Variants in NMNAT2 observed in about 807,000 individuals in gnomAD.
NMNAT2 encodes nicotinamide nucleotide adenylyltransferase 2.
In NMNAT2, 11 loss-of-function variants were observed where a neutral mutation model predicts 41.6. That is an observed-to-expected ratio of 0.26 (90% confidence interval 0.17 to 0.44). The LOEUF (loss-of-function observed/expected upper bound fraction) is 0.44. Ranked by LOEUF, NMNAT2 falls within the 20% of genes least tolerant of loss-of-function variation. NMNAT2 has a pLI of 1.00. For missense variants in NMNAT2, 288 were observed against 407.7 expected (o/e 0.71, Z 2.53); for synonymous variants, 148 against 151.2 (o/e 0.98, Z 0.16).
chr1:183,283,799 G>A (rs1246809219), intron 7 of NMNAT2, 196 bp downstream of exon 7: 1 of 635,242 alleles, frequency 1.6e-6, no homozygotes, highest in Admixed American at 2.2e-5. Flanking sequence ...GGAGTTGGCT[G>A]GAGTCCAGTT....
At chr1:183,364,693 T>TTC (rs1553218940) in intron 1 of NMNAT2, among the ~76,000 whole-genome samples, 8 of 151,870 alleles carry the variant, frequency 5.3e-5, no homozygotes, top group East Asian at 3.9e-4. Context: ...CTTTTTTTGT[T>TTC]GTTGTTGTTA....
chr1:183,280,928 G>A (rs1289475335), intron 7 of NMNAT2, among the ~76,000 whole-genome samples: 1 of 151,092 alleles, frequency 6.6e-6, no homozygotes, highest in African/African-American at 2.4e-5. Context: ...TGGGATTACA[G>A]ACATGTGCCA....
intron 1 of NMNAT2, among the ~76,000 whole-genome samples, chr1:183,370,145 G>T (rs79924425): frequency 0.022 from 3,351 of 151,668 alleles, 125 homozygotes; most frequent in African/African-American, 0.078. Flanking sequence ...GGACCCAAGG[G>T]GGAGAAAAAG....
intron 1 of NMNAT2, among the ~76,000 whole-genome samples, chr1:183,309,749 A>G (rs889928622): frequency 6.6e-6 from 1 of 152,226 alleles, no homozygotes; most frequent in Non-Finnish European, 1.5e-5. Flanking sequence ...CAAGAGTAGA[A>G]AGGAGACCCC....
chr1:183,264,489 C>T (rs751826199), intron 8 of NMNAT2, among the ~76,000 whole-genome samples: 1 of 152,132 alleles, frequency 6.6e-6, no homozygotes, highest in Admixed American at 6.6e-5. Context: ...AGATCTACAG[C>T]TTTAGGGCAT....
Position 183,312,265 on chromosome 1 carries a change from C to CT in NMNAT2, c.86-18473dup, listed in dbSNP as rs534701278. Among the ~76,000 whole-genome samples, 805 of 140,606 alleles carry CT rather than the reference C, an allele frequency of 5.7e-3. 7 individuals carry two copies. The highest frequency in any genetic ancestry group is 0.041 in the East Asian group (200 of 4,908). 92.2% of individuals were successfully genotyped at this position (140,606 alleles called of 152,430 possible). A position where few individuals can be genotyped will look rare whatever the true frequency, so the allele number is the denominator to read the frequency against. ...TCTTTTTATTTTAAATAATTTAAGG[C>CT]TTTTTTTTTTTTTTGAAATGAGGTC... On this transcript the variant is annotated intron_variant, in intron 1 of 10. Transcript: ENST00000287713.
chr1:183,316,675 T>C (rs1409239766), intron 1 of NMNAT2, among the ~76,000 whole-genome samples: 1 of 152,184 alleles, frequency 6.6e-6, no homozygotes, highest in Non-Finnish European at 1.5e-5. Flanking sequence ...CTCATCCAGC[T>C]TGCTGCCTTC....
chr1:183,343,658 CCT>C (rs886478790), intron 1 of NMNAT2, among the ~76,000 whole-genome samples: 4 of 152,112 alleles, frequency 2.6e-5, no homozygotes, highest in African/African-American at 9.7e-5. Context: ...GCACTTGCTA[CCT>C]CTCTCTCCTA....
intron 4 of NMNAT2, 42 bp downstream of exon 4, chr1:183,290,086 C>A (rs1322985178): frequency 1.3e-6 from 2 of 1,501,836 alleles, no homozygotes; most frequent in Middle Eastern, 1.9e-4. Flanking sequence ...TCCGCCCTTG[C>A]ACTCTGGTGG....
At chr1:183,400,579 G>T (rs1648780363) in intron 1 of NMNAT2, among the ~76,000 whole-genome samples, 1 of 152,064 alleles carries the variant, frequency 6.6e-6, no homozygotes, top group African/African-American at 2.4e-5. Context: ...AGCTCATATG[G>T]AAGCAAAAAA....
intron 10 of NMNAT2, among the ~76,000 whole-genome samples, chr1:183,253,937 G>T (rs896777207): frequency 7.1e-6 from 1 of 140,266 alleles, no homozygotes; most frequent in East Asian, 2.3e-4. Context: ...GTGTGTGTGT[G>T]TGTGTGTATG....
chr1:183,344,265 T>C (rs572380588), intron 1 of NMNAT2, among the ~76,000 whole-genome samples: 28 of 152,326 alleles, frequency 1.8e-4, no homozygotes, highest in African/African-American at 6.7e-4. Context: ...ATCTGCATTA[T>C]AGATGAGGAA....
intron 1 of NMNAT2, among the ~76,000 whole-genome samples, chr1:183,390,944 A>G (rs1648464520): frequency 6.6e-6 from 1 of 152,204 alleles, no homozygotes; most frequent in Non-Finnish European, 1.5e-5. Flanking sequence ...GTTTCAGGCA[A>G]AACTTATGCC....
At chr1:183,395,072 G>T (rs948679787) in intron 1 of NMNAT2, among the ~76,000 whole-genome samples, 2 of 152,154 alleles carry the variant, frequency 1.3e-5, no homozygotes, top group African/African-American at 4.8e-5. Flanking sequence ...GCCCAGGAAA[G>T]ATATCATGAG....
In NMNAT2 at chr1:183,284,847, G is replaced by T. The variant is rs375951293; in HGVS notation, c.449-57C>A. On this transcript the variant is annotated intron_variant, in intron 5 of 10. Transcript: ENST00000287713. ...AGTGGGAGAGAACAACTCACAACTG[G>T]CACTCATGTCGGCCCGGCATTGGGG... The T allele has an allele frequency of 1.8e-4, 259 of 1,455,172 alleles. 1 individual carries two copies. The highest frequency in any genetic ancestry group is 2.4e-4 in the Non-Finnish European group (249 of 1,035,138). The allele number at this position is 1,455,172 out of a possible 1,614,324, so 90.1% of individuals were successfully genotyped here. A position where few individuals can be genotyped will look rare whatever the true frequency, so the allele number is the denominator to read the frequency against.
chr1:183,261,324 C>T, intron 8 of NMNAT2, 21 bp from the exon 9 acceptor site: 1 of 1,596,164 alleles, frequency 6.3e-7, no homozygotes. Context: ...AGAGAGAGGG[C>T]CCTTTGGTGA....
chr1:183,411,777 GA>G, intron 1 of NMNAT2, among the ~76,000 whole-genome samples: 1 of 152,162 alleles, frequency 6.6e-6, no homozygotes, highest in East Asian at 1.9e-4. Context: ...GTTTAAAGGT[GA>G]TAAGTACGAA....
intron 1 of NMNAT2, among the ~76,000 whole-genome samples, chr1:183,362,998 G>A (rs1663337687): frequency 6.6e-6 from 1 of 152,164 alleles, no homozygotes; most frequent in African/African-American, 2.4e-5. Context: ...TGGTGGGCGT[G>A]AAGTGGTATC....
intron 1 of NMNAT2, among the ~76,000 whole-genome samples, chr1:183,415,589 C>A (rs1008266504): frequency 1.3e-5 from 2 of 152,222 alleles, no homozygotes; most frequent in East Asian, 3.8e-4. Context: ...AGGCTCAAGT[C>A]TCAGTGCCAC....
Sources: allele counts gnomAD v4.1 joint callset (sites outside exome capture counted in the v4.1 genomes callset), GRCh38; gene constraint gnomAD v4.1.1; transcripts MANE v1.5; gene names NCBI Gene and HGNC (gene_info 2026-07-23, HGNC 2026-07-21).